Variants in PSKH1 observed in about 807,000 individuals in gnomAD.
PSKH1 encodes protein serine kinase H1.
A neutral mutation model predicts 26.7 loss-of-function variants in PSKH1; 12 were observed. The observed-to-expected ratio is 0.45, with a 90% CI of 0.29 to 0.73. PSKH1 has a LOEUF of 0.73. Among genes scored for constraint, PSKH1 ranks in the 30% least tolerant of loss-of-function variants. PSKH1 has a pLI of 0.11. For missense variants in PSKH1, 431 were observed against 595.2 expected (o/e 0.72, Z 2.87); for synonymous variants, 213 against 234.3 (o/e 0.91, Z 0.83).
chr16:67,922,119 T>C (rs2058204279), intron 2 of PSKH1, among the ~76,000 whole-genome samples: 1 of 152,130 alleles, frequency 6.6e-6, no homozygotes, highest in African/African-American at 2.4e-5. Flanking sequence ...TGGTAGATTC[T>C]GTCTGGTCTG....
intron 2 of PSKH1, among the ~76,000 whole-genome samples, chr16:67,917,402 A>G (rs1475987149): frequency 6.6e-6 from 1 of 152,232 alleles, no homozygotes; most frequent in Non-Finnish European, 1.5e-5. Flanking sequence ...CAGTGGACAC[A>G]TCTCTCCTGT....
chr16:67,894,090 C>T (rs1337432833), intron 1 of PSKH1, among the ~76,000 whole-genome samples: 1 of 152,190 alleles, frequency 6.6e-6, no homozygotes, highest in Non-Finnish European at 1.5e-5. Context: ...TCTGTGCTCC[C>T]TTTACGTAGT....
At chr16:67,914,074 A>G (rs2151313300) in intron 2 of PSKH1, among the ~76,000 whole-genome samples, 1 of 152,182 alleles carries the variant, frequency 6.6e-6, no homozygotes, top group South Asian at 2.1e-4. Flanking sequence ...CCGTCAGAGG[A>G]CCCTGCAGGG....
At chr16:67,899,286 A>G (rs1336939090) in intron 1 of PSKH1, among the ~76,000 whole-genome samples, 3 of 151,730 alleles carry the variant, frequency 2.0e-5, no homozygotes, top group African/African-American at 4.8e-5. Context: ...CTAAGGTTCT[A>G]GAATTGTTGA....
At chr16:67,918,592 CTT>C (rs1238011875) in intron 2 of PSKH1, among the ~76,000 whole-genome samples, 45 of 134,212 alleles carry the variant, frequency 3.4e-4, no homozygotes, top group Non-Finnish European at 1.9e-4. Flanking sequence ...ACCTGTAGTT[CTT>C]TTTTTTTTTT....
chr16:67,915,618 C>T lies in PSKH1; in HGVS notation c.957+5912C>T, dbSNP rs554280702. Among the ~76,000 whole-genome samples the T allele has an allele frequency of 5.2e-3, 788 of 152,122 alleles. 4 individuals carry two copies. The highest frequency in any genetic ancestry group is 0.019 in the African/African-American group (771 of 41,480). On this transcript the variant is annotated intron_variant, in intron 2 of 2. Coordinates refer to ENST00000291041, the MANE Select transcript of PSKH1 (RefSeq NM_006742.3). The stretch of plus-strand genomic sequence containing the variant: ...AGCCTCTGCCACTCCCTGGCAGAGC[C>T]CTGGTTTCTCTTTACTTTTCTGCAT...
chr16:67,903,419 T>C (rs2151311003), intron 1 of PSKH1, among the ~76,000 whole-genome samples: 1 of 152,242 alleles, frequency 6.6e-6, no homozygotes, highest in Non-Finnish European at 1.5e-5. Context: ...CCCAAAGTGC[T>C]GGGATTACAG....
intron 2 of PSKH1, among the ~76,000 whole-genome samples, chr16:67,913,777 C>T (rs1026038917): frequency 6.6e-6 from 1 of 152,148 alleles, no homozygotes; most frequent in Non-Finnish European, 1.5e-5. Flanking sequence ...TTTAATAGGT[C>T]TAGGTAGGGC....
chr16:67,899,387 G>A (rs1377752421), intron 1 of PSKH1, among the ~76,000 whole-genome samples: 2 of 147,286 alleles, frequency 1.4e-5, no homozygotes, highest in African/African-American at 5.1e-5. Flanking sequence ...CCAGGCTGGA[G>A]TGCAGTGGCG....
intron 2 of PSKH1, among the ~76,000 whole-genome samples, chr16:67,925,198 A>T (rs368382593): frequency 0.035 from 4,833 of 139,422 alleles, 99 homozygotes; most frequent in Middle Eastern, 0.17. Context: ...CAATATGAAT[A>T]TTTTTTTTTT....
chr16:67,906,273 T>C (rs1165961866), intron 1 of PSKH1, among the ~76,000 whole-genome samples: 1 of 151,878 alleles, frequency 6.6e-6, no homozygotes, highest in Admixed American at 6.6e-5. Flanking sequence ...GGTTTCACCA[T>C]GTTGGCCTGG....
At chr16:67,899,791 G>A (rs897461184) in intron 1 of PSKH1, among the ~76,000 whole-genome samples, 4 of 151,544 alleles carry the variant, frequency 2.6e-5, no homozygotes, top group Non-Finnish European at 5.9e-5. Flanking sequence ...GGGATTCCAG[G>A]TGTCCACCAC....
At chr16:67,895,397 G>A (rs1169487143) in intron 1 of PSKH1, among the ~76,000 whole-genome samples, 1 of 150,546 alleles carries the variant, frequency 6.6e-6, no homozygotes, top group Non-Finnish European at 1.5e-5. Context: ...GAAGATCTGG[G>A]GTAGGAATCT....
At chr16:67,899,774 A>G (rs1474603107) in intron 1 of PSKH1, among the ~76,000 whole-genome samples, 4 of 150,154 alleles carry the variant, frequency 2.7e-5, no homozygotes, top group Non-Finnish European at 3.0e-5. Context: ...CAGCCTCCCA[A>G]GTAGCTGGGA....
chr16:67,898,370 G>A (rs2058132371), intron 1 of PSKH1, among the ~76,000 whole-genome samples: 1 of 151,830 alleles, frequency 6.6e-6, no homozygotes, highest in African/African-American at 2.4e-5. Flanking sequence ...GCGCCACTGC[G>A]CTCCAGCCTG....
chr16:67,923,854 C>T (rs554015213), intron 2 of PSKH1, among the ~76,000 whole-genome samples: 1 of 152,338 alleles, frequency 6.6e-6, no homozygotes, highest in Admixed American at 6.5e-5. Context: ...AGCCAGTCAG[C>T]CCTTGGCTGA....
At chr16:67,922,160 G>T (rs952935362) in intron 2 of PSKH1, among the ~76,000 whole-genome samples, 3 of 152,002 alleles carry the variant, frequency 2.0e-5, no homozygotes, top group African/African-American at 7.2e-5. Flanking sequence ...ATGGGTTTTT[G>T]ACCACAGGAG....
intron 2 of PSKH1, among the ~76,000 whole-genome samples, chr16:67,924,530 C>T (rs1161885599): frequency 6.6e-6 from 1 of 152,200 alleles, no homozygotes; most frequent in Non-Finnish European, 1.5e-5. Context: ...TCCACGGTTT[C>T]GCTGGGTGTG....
Position 67,927,534 on chromosome 16 carries a change from C to T in PSKH1, c.1167C>T (p.Ala389=), listed in dbSNP as rs542609906. ...ASSRCQSTKS[A]QSTRSSRSTR... The stretch of plus-strand genomic sequence containing the variant: ...CGCGCTGCCAGAGCACCAAATCTGC[C>T]CAGTCCACGCGTTCCAGCCGCTCCA... Residue 389 remains alanine, a synonymous_variant, in exon 3 of 3, where the codon GCC becomes GCT. Transcript: ENST00000291041. The surrounding 1 kb of genome is among the most constrained non-coding windows in gnomAD (Gnocchi z 5.5). 5 of 1,614,096 alleles carry T rather than the reference C, an allele frequency of 3.1e-6. No homozygotes were observed. Among genetic ancestry groups the T allele is most frequent in the Non-Finnish European group, 3.4e-6 (4 of 1,180,044 alleles).
Sources: allele counts gnomAD v4.1 joint callset (sites outside exome capture counted in the v4.1 genomes callset), GRCh38; gene constraint gnomAD v4.1.1; non-coding constraint Gnocchi (gnomAD v3.1); transcripts MANE v1.5; gene names NCBI Gene and HGNC (gene_info 2026-07-23, HGNC 2026-07-21).